NEK4: variants seen among roughly 807,000 people sequenced by gnomAD.
NEK4 encodes NIMA related kinase 4.
A neutral mutation model predicts 98.4 loss-of-function variants in NEK4; 86 were observed. The ratio of observed to expected loss-of-function variants is 0.87; its 90% CI spans 0.73 to 1.05. The LOEUF (loss-of-function observed/expected upper bound fraction) is 1.05. NEK4 is among the 50% of genes least tolerant of loss of function. The pLI is 0.00. For missense variants in NEK4, 898 were observed against 950.3 expected (o/e 0.94, Z 0.72); for synonymous variants, 328 against 342.2 (o/e 0.96, Z 0.46).
rs1276259944 is a variant in NEK4, at chr3:52,709,289, G to GTCT, written c.*2485_*2487dup. 3.9e-5 allele frequency: 6 copies of GTCT among 151,986 alleles called. No homozygotes were observed. Among genetic ancestry groups the GTCT allele is most frequent in the African/African-American group, 1.5e-4 (6 of 41,350 alleles). 9.4% of individuals were successfully genotyped at this position (151,986 alleles called of 1,614,324 possible). A position where few individuals can be genotyped will look rare whatever the true frequency, so the allele number is the denominator to read the frequency against. The stretch of plus-strand genomic sequence containing the variant: ...AGGTATATTCGGAAGAAAATTCACA[G>GTCT]TCTTAAAGATGAGTTTTTAAATTAA... On this transcript the variant is annotated 3_prime_UTR_variant, in exon 16 of 16. Coordinates refer to ENST00000233027, the MANE Select transcript of NEK4 (RefSeq NM_003157.6).
chr3:52,768,656 G>A, intron 1 of NEK4, 52 bp from the exon 2 acceptor site: 1 of 1,573,208 alleles, frequency 6.4e-7, no homozygotes, highest in Non-Finnish European at 8.7e-7. Context: ...TAAGATTTGT[G>A]GCCTCAGAGT....
intron 15 of NEK4, chr3:52,733,283 C>T (rs2097371683): frequency 3.1e-6 from 1 of 323,610 alleles, no homozygotes. Context: ...GCCTTACAAA[C>T]GTAGTGACTG....
intron 5 of NEK4, 132 bp downstream of exon 5, chr3:52,763,338 A>C (rs755327910): frequency 2.1e-6 from 2 of 942,682 alleles, no homozygotes; most frequent in African/African-American, 3.3e-5. Context: ...CCTCCTCTAC[A>C]TATGTAATCA....
chr3:52,736,911 A>T (rs1487362272), intron 15 of NEK4, among the ~76,000 whole-genome samples: 1 of 152,156 alleles, frequency 6.6e-6, no homozygotes, highest in African/African-American at 2.4e-5. Flanking sequence ...GAATGTACAT[A>T]GTTCTCATGT....
intron 4 of NEK4, among the ~76,000 whole-genome samples, chr3:52,764,153 G>A (rs1698462601): frequency 6.6e-6 from 1 of 152,002 alleles, no homozygotes; most frequent in Non-Finnish European, 1.5e-5. Context: ...TGGGCGTGGT[G>A]GCATGCACCT....
intron 15 of NEK4, among the ~76,000 whole-genome samples, chr3:52,726,033 C>T (rs1430259056): frequency 1.3e-5 from 2 of 151,852 alleles, no homozygotes; most frequent in Non-Finnish European, 2.9e-5. Context: ...AAATATTCCA[C>T]ATAAATTGTA....
Position 52,752,915 on chromosome 3 carries a change from A to T in NEK4, c.964-579T>A, listed in dbSNP as rs1475256993. Among the ~76,000 whole-genome samples the T allele has an allele frequency of 1.2e-3, 69 of 59,454 alleles. 2 individuals carry two copies. The highest frequency in any genetic ancestry group is 2.7e-3 in the African/African-American group (33 of 12,256). 39.0% of individuals were successfully genotyped at this position (59,454 alleles called of 152,430 possible). ...AACCCTGCCTCAAAAAAAAAAAAAA[A>T]AAATATATATATATATATACACACA... is the stretch of plus-strand genomic sequence containing the variant. On this transcript the variant is annotated intron_variant, in intron 6 of 15. Transcript: ENST00000233027.
intron 15 of NEK4, among the ~76,000 whole-genome samples, chr3:52,722,532 T>A (rs1653389576): frequency 1.3e-5 from 2 of 151,906 alleles, no homozygotes; most frequent in Admixed American, 6.6e-5. Context: ...ACATAAAAAA[T>A]AAGTATGGAC....
At chr3:52,712,082 C>G (rs1443564544) in intron 15 of NEK4, among the ~76,000 whole-genome samples, 1 of 152,176 alleles carries the variant, frequency 6.6e-6, no homozygotes. Context: ...CTAGGGAAAA[C>G]ATTTGCAACA....
rs754208361 is a variant in NEK4, at chr3:52,741,480, C to T, written c.2024G>A (p.Cys675Tyr). Residue 675 changes from cysteine (C) to tyrosine (Y), a missense_variant, in exon 13 of 16, where the codon TGT becomes TAT. Transcript: ENST00000233027. ...SVTQERKQIH[C>Y]LSEDELSSST... ...AGAACTTAACTCATCCTCAGACAGA[C>T]AATGAATCTGTTTCCTTTCCTATTA... 6.2e-6 allele frequency: 10 copies of T among 1,604,916 alleles called. No individual in the cohort carries two copies. Among genetic ancestry groups the T allele is most frequent in the African/African-American group, 1.3e-5 (1 of 74,734 alleles).
At chr3:52,716,514 T>C (rs1420753434) in intron 15 of NEK4, among the ~76,000 whole-genome samples, 8 of 152,220 alleles carry the variant, frequency 5.3e-5, no homozygotes, top group Admixed American at 5.2e-4. Context: ...TTTTCCATTA[T>C]TCTATCTCCC....
At position 52,767,822 on chromosome 3, in the gene NEK4, C is replaced by T. The variant is rs554252999; in HGVS notation, c.360+516G>A. 1.8e-3 allele frequency among the ~76,000 whole-genome samples: 278 copies of T among 152,242 alleles called. 1 individual carries two copies. Among genetic ancestry groups the T allele is most frequent in the Admixed American group, 4.1e-3 (63 of 15,304 alleles). The stretch of plus-strand genomic sequence containing the variant: ...CCAAAATAGTATTTCATAAACGTCT[C>T]GCTTTTGAGTTATATGCATATTAAA... On this transcript the variant is annotated intron_variant, in intron 2 of 15. Transcript: ENST00000233027.
chr3:52,755,053 G>A (rs376728487), intron 6 of NEK4, among the ~76,000 whole-genome samples: 13 of 134,644 alleles, frequency 9.7e-5, no homozygotes, highest in African/African-American at 2.3e-4. Flanking sequence ...CAGCCTGGGC[G>A]ACAGAGCAAG....
At chr3:52,728,496 A>G (rs1209080031) in intron 15 of NEK4, among the ~76,000 whole-genome samples, 1 of 152,228 alleles carries the variant, frequency 6.6e-6, no homozygotes, top group Admixed American at 6.5e-5. Context: ...TAATCCTGTT[A>G]TCTTCATAAG....
chr3:52,747,737 G>A (rs183127972), intron 8 of NEK4, among the ~76,000 whole-genome samples: 88 of 150,830 alleles, frequency 5.8e-4, no homozygotes, highest in African/African-American at 2.1e-3. Flanking sequence ...TGGAGGCCAC[G>A]AGTTCAAGAC....
In NEK4 at chr3:52,752,049, G is replaced by C. The variant is rs139185589; in HGVS notation, c.1251C>G (p.Ser417=). 3.7e-6 allele frequency: 6 copies of C among 1,614,058 alleles called. No individual in the cohort carries two copies. The African/African-American group carries it at 8.0e-5, about 22-fold the overall frequency. ...EEEMLQDNTK[S]SAQPENLIPM... ...GAATCAGGTTTTCAGGCTGGGCACT[G>C]GATTTAGTGTTGTCCTGCAGCATCT... The change falls in exon 7 of 16, where the codon TCC becomes TCG. Residue 417 remains serine (S), a synonymous_variant. Coordinates refer to ENST00000233027, the MANE Select transcript of NEK4 (RefSeq NM_003157.6).
rs916989356 is a variant in NEK4, at chr3:52,709,583, C to T, written c.*2194G>A. 2.7e-5 allele frequency: 4 copies of T among 150,890 alleles called. No individual in the cohort carries two copies. Among genetic ancestry groups the T allele is most frequent in the Non-Finnish European group, 4.4e-5 (3 of 67,890 alleles). 9.3% of individuals were successfully genotyped at this position (150,890 alleles called of 1,614,324 possible). On this transcript the variant is annotated 3_prime_UTR_variant, in exon 16 of 16. Coordinates refer to ENST00000233027, the MANE Select transcript of NEK4 (RefSeq NM_003157.6). ...AGGTGTGGTGGTGCATGCCTGTGGTCCTAGCTACTTGAGGGGCTGAGGTGG... is the reference window on the plus strand; with the variant it reads ...AGGTGTGGTGGTGCATGCCTGTGGTTCTAGCTACTTGAGGGGCTGAGGTGG...
chr3:52,756,446 C>T (rs1285764198), intron 6 of NEK4, among the ~76,000 whole-genome samples: 2 of 152,160 alleles, frequency 1.3e-5, no homozygotes, highest in Admixed American at 1.3e-4. Context: ...CAGAAATAAA[C>T]TTTCACATAT....
rs1319919005 is a variant in NEK4 at position 52,709,576 on chromosome 3, C to T, written c.*2201G>A. 6.6e-6 allele frequency: 1 copy of T among 151,528 alleles called. No homozygotes were observed. The highest frequency in any genetic ancestry group is 1.5e-5 in the Non-Finnish European group (1 of 67,992). The allele number at this position is 151,528 out of a possible 1,614,324, so 9.4% of individuals were successfully genotyped here. A position where few individuals can be genotyped will look rare whatever the true frequency, so the allele number is the denominator to read the frequency against. Reference sequence around the variant, plus strand: ...ATTAGCCAGGTGTGGTGGTGCATGCCTGTGGTCCTAGCTACTTGAGGGGCT... The same window carrying T: ...ATTAGCCAGGTGTGGTGGTGCATGCTTGTGGTCCTAGCTACTTGAGGGGCT... On this transcript the variant is annotated 3_prime_UTR_variant, in exon 16 of 16. Coordinates refer to ENST00000233027, the MANE Select transcript of NEK4 (RefSeq NM_003157.6).
Sources: gnomAD v4.1 joint callset for allele counts (sites outside exome capture counted in the v4.1 genomes callset) on GRCh38, gnomAD v4.1.1 for gene constraint, MANE v1.5 for transcripts, NCBI Gene and HGNC (gene_info 2026-07-23, HGNC 2026-07-21) for gene names.